The following C3orf22 variants were observed in gnomAD, a reference collection of about 807,000 sequenced individuals.
The protein encoded by C3orf22 is uncharacterized protein C3orf22.
In C3orf22, 7 loss-of-function variants were observed where a neutral mutation model predicts 10.8. The observed-to-expected ratio is 0.65, with a 90% CI of 0.37 to 1.22. The LOEUF (loss-of-function observed/expected upper bound fraction) is 1.22. Among genes scored for constraint, C3orf22 ranks in the 50% most tolerant of loss-of-function variants. The pLI is 0.02. For missense variants in C3orf22, 173 were observed against 177.0 expected, an observed-to-expected ratio of 0.98 and a Z score of 0.13; for synonymous variants, 79 against 78.9, an observed-to-expected ratio of 1.00 and a Z score of 0.00.
chr3:126,543,721 TGTGCATGA>T (rs1403113397), intron 4 of C3orf22, among the ~76,000 whole-genome samples: 1 of 142,736 alleles, frequency 7.0e-6, no homozygotes, highest in Non-Finnish European at 1.6e-5. Context: ...AGTGTGCATG[TGTGCATGA>T]GTGTGTGAGA....
intron 4 of C3orf22, among the ~76,000 whole-genome samples, chr3:126,544,110 C>T (rs971432482): frequency 2.6e-5 from 4 of 152,240 alleles, no homozygotes; most frequent in Admixed American, 6.5e-5. Flanking sequence ...TCTTCCCTCA[C>T]GGATCAATTA....
chr3:126,552,244 A>T, intron 2 of C3orf22, 122 bp from the exon 3 acceptor site: 2 of 1,450,282 alleles, frequency 1.4e-6, no homozygotes, highest in Non-Finnish European at 1.9e-6. Context: ...ATATTAGCCC[A>T]TATGTCAGCT....
chr3:126,543,459 G>C (rs1937015611), intron 4 of C3orf22, among the ~76,000 whole-genome samples: 1 of 152,114 alleles, frequency 6.6e-6, no homozygotes, highest in Non-Finnish European at 1.5e-5. Context: ...GTGCATATAG[G>C]AGTGAGGGGC....
chr3:126,549,916 G>C lies in C3orf22; in HGVS notation c.378C>G (p.Ala126=), dbSNP rs1937142599. The C allele has an allele frequency of 2.5e-6, 4 of 1,614,132 alleles. No homozygotes were observed. In the East Asian group the frequency reaches 8.9e-5, roughly 36 times the overall value. Residue 126 remains alanine, a synonymous_variant, in exon 4 of 4, where the codon GCC becomes GCG. Transcript: ENST00000318225. ...CTGCCGCCTTGCTGGTCTGGGGGCA[G>C]GCAGCCTCAGTGTGCCGGGTGGACA... ...FLLSTRHTEA[A]CPQTSKAAGL... is the part of the protein sequence containing the mutation.
intron 4 of C3orf22, among the ~76,000 whole-genome samples, chr3:126,537,017 G>C (rs150306901): frequency 6.6e-6 from 1 of 152,118 alleles, no homozygotes; most frequent in Non-Finnish European, 1.5e-5. Flanking sequence ...CAGCAAGCAG[G>C]TTGGCCAGGT....
chr3:126,536,875 TC>T (rs1936803347), intron 4 of C3orf22, among the ~76,000 whole-genome samples: 1 of 138,288 alleles, frequency 7.2e-6, no homozygotes, highest in South Asian at 2.3e-4. Flanking sequence ...TCTCTCTCTC[TC>T]TTTCTCACAC....
At chr3:126,551,258 C>T (rs918455010) in intron 3 of C3orf22, among the ~76,000 whole-genome samples, 4 of 152,190 alleles carry the variant, frequency 2.6e-5, no homozygotes, top group Admixed American at 6.5e-5. Flanking sequence ...CCCCCCCTGC[C>T]CCTGACATTA....
At chr3:126,532,423 T>C (rs559923860) in intron 4 of C3orf22, among the ~76,000 whole-genome samples, 1 of 152,122 alleles carries the variant, frequency 6.6e-6, no homozygotes, top group East Asian at 1.9e-4. Flanking sequence ...GGGGCTATGA[T>C]CCATTTTGAG....
chr3:126,541,905 C>T lies in C3orf22; in HGVS notation c.286+7632G>A, dbSNP rs1236889161. ...TGCTACGTGCCCAAGGTGGCCTGCA[C>T]CAACTGGAAGCGCGTGCTGCTGGCG... On this transcript the variant is annotated intron_variant and NMD_transcript_variant, in intron 4 of 5. Transcript: ENST00000505070. The T allele has an allele frequency of 1.0e-5, 16 of 1,600,528 alleles. No individual in the cohort carries two copies. The highest frequency in any genetic ancestry group is 1.4e-5 in the Non-Finnish European group (16 of 1,174,152).
rs143543606 is a variant in C3orf22, at chr3:126,528,425, A to G, written c.*219-552T>C. Among the ~76,000 whole-genome samples the G allele has an allele frequency of 2.6e-5, 4 of 152,264 alleles. No individual in the cohort carries two copies. In the East Asian group the frequency reaches 5.8e-4, roughly 22 times the overall value. On this transcript the variant is annotated intron_variant and NMD_transcript_variant, in intron 5 of 5. Transcript: ENST00000505070. ...CAGCAATAAAGAGTGCCGTGGCTGG[A>G]GCTGAGCAGTGAACCAGGAAGGGTG...
intron 5 of C3orf22, among the ~76,000 whole-genome samples, chr3:126,528,304 G>A (rs558582983): frequency 6.6e-6 from 1 of 152,218 alleles, no homozygotes; most frequent in South Asian, 2.1e-4. Flanking sequence ...CACTGGCACT[G>A]GGCAAGGTTG....
chr3:126,556,247 C>A (rs1308240324), intron 1 of C3orf22, among the ~76,000 whole-genome samples: 1 of 152,186 alleles, frequency 6.6e-6, no homozygotes, highest in African/African-American at 2.4e-5. Context: ...CTAGGCCATG[C>A]ACAGAGAGTG....
At chr3:126,530,898 C>T (rs1192230278) in intron 4 of C3orf22, among the ~76,000 whole-genome samples, 1 of 152,246 alleles carries the variant, frequency 6.6e-6, no homozygotes, top group Non-Finnish European at 1.5e-5. Flanking sequence ...GCCCTTGTTC[C>T]TGGGCCTTAC....
intron 4 of C3orf22, among the ~76,000 whole-genome samples, chr3:126,530,107 C>T (rs745378768): frequency 2.0e-5 from 3 of 152,364 alleles, no homozygotes; most frequent in South Asian, 2.1e-4. Context: ...CCTCAAGATA[C>T]CCCCCTTCTG....
chr3:126,550,376 C>T (rs1050397406), intron 3 of C3orf22, among the ~76,000 whole-genome samples: 7 of 152,152 alleles, frequency 4.6e-5, no homozygotes, highest in African/African-American at 1.7e-4. Flanking sequence ...TGGCTGGGGA[C>T]GTGGTCTCAA....
intron 2 of C3orf22, 59 bp from the exon 3 acceptor site, chr3:126,552,181 C>T (rs1937206506): frequency 6.2e-7 from 1 of 1,608,616 alleles, no homozygotes; most frequent in African/African-American, 1.3e-5. Flanking sequence ...TGAAGTAACT[C>T]TCACTCATCT....
At position 126,553,341 on chromosome 3, in the gene C3orf22, A is replaced by G. The variant is rs1334354048; in HGVS notation, c.50T>C (p.Ile17Thr). 3 of 1,613,902 alleles carry G rather than the reference A, an allele frequency of 1.9e-6. No homozygotes were observed. Among genetic ancestry groups the G allele is most frequent in the African/African-American group, 2.7e-5 (2 of 74,858 alleles). The stretch of plus-strand genomic sequence containing the variant: ...CTTGGCAAAATTCTCCTGGGCCTGG[A>G]TCCTCCACTTCTTACTCTGGTGAGA... ...KKSHQSKKWR[I>T]QAQENFAKKF... The change falls in exon 2 of 4, where the codon ATC (isoleucine) becomes ACC (threonine). Residue 17 changes from isoleucine (I) to threonine (T), a missense_variant. Physicochemically the swap from Ile to Thr is moderately conservative, Grantham distance 89 (BLOSUM62 -1). Transcript: ENST00000318225.
chr3:126,536,421 T>G (rs529448346), intron 4 of C3orf22: 12 of 1,224,514 alleles, frequency 9.8e-6, no homozygotes, highest in Non-Finnish European at 1.4e-5. Context: ...ACAGCAACAG[T>G]GCAGACCTGC....
chr3:126,548,065 G>C (rs1937098231), downstream of C3orf22, among the ~76,000 whole-genome samples: 1 of 152,236 alleles, frequency 6.6e-6, no homozygotes, highest in Non-Finnish European at 1.5e-5. Context: ...TGCGATCTCA[G>C]CTCACTGCAA....
Sources: allele counts gnomAD v4.1 joint callset (sites outside exome capture counted in the v4.1 genomes callset), GRCh38; gene constraint gnomAD v4.1.1; transcripts MANE v1.5; gene names NCBI Gene and HGNC (gene_info 2026-07-23, HGNC 2026-07-21).